Variants in UBE3C observed in about 807,000 individuals in gnomAD.
UBE3C encodes ubiquitin protein ligase E3C.
Under a neutral mutation model 129.4 loss-of-function variants are expected in UBE3C, and 42 were observed. The observed-to-expected ratio is 0.32, with a 90% CI of 0.25 to 0.42. The LOEUF is 0.42. Among genes scored for constraint, UBE3C ranks in the 10% least tolerant of loss-of-function variants. UBE3C has a pLI of 1.00. For synonymous variants in UBE3C, 510 were observed against 492.4 expected (o/e 1.04, Z -0.47); for missense variants, 1,049 against 1,319.1 (o/e 0.80, Z 3.17).
At chr7:157,191,854 T>C (rs371458347) in intron 10 of UBE3C, among the ~76,000 whole-genome samples, 2 of 152,190 alleles carry the variant, frequency 1.3e-5, no homozygotes, top group South Asian at 2.1e-4. Context: ...GGAAAAAATA[T>C]TGAGGATGTG....
At chr7:157,217,137 A>T in intron 14 of UBE3C, 166 bp downstream of exon 14, 1 of 537,242 alleles carries the variant, frequency 1.9e-6, no homozygotes, top group Non-Finnish European at 3.3e-6. Context: ...TTCTTAATGG[A>T]ACATATAGCA....
Position 157,235,837 on chromosome 7 carries a change from C to A in UBE3C, c.2481+4510C>A, listed in dbSNP as rs759461286. Among the ~76,000 whole-genome samples, 35 of 152,210 alleles carry A rather than the reference C, an allele frequency of 2.3e-4. 1 individual carries two copies. Among genetic ancestry groups the A allele is most frequent in the Non-Finnish European group, 3.5e-4 (24 of 68,044 alleles). ...CTTCCAAAACATATCTGATGACCAT[C>A]TGATTACAGAGTTAAACTTTGTGCT... is the stretch of plus-strand genomic sequence containing the variant. On this transcript the variant is annotated intron_variant, in intron 18 of 22. Transcript: ENST00000348165.
intron 1 of UBE3C, among the ~76,000 whole-genome samples, chr7:157,161,196 T>C (rs1808059218): frequency 1.3e-5 from 2 of 152,226 alleles, no homozygotes; most frequent in South Asian, 4.1e-4. Flanking sequence ...TAATTTCCTG[T>C]GGATAATTGT....
intron 18 of UBE3C, among the ~76,000 whole-genome samples, chr7:157,243,379 T>C (rs1254778931): frequency 2.0e-5 from 3 of 152,218 alleles, no homozygotes; most frequent in African/African-American, 7.2e-5. Flanking sequence ...AGCACCCGTG[T>C]CCTGGTGTGG....
chr7:157,215,466 T>C (rs1795531808), intron 13 of UBE3C, among the ~76,000 whole-genome samples: 1 of 148,310 alleles, frequency 6.7e-6, no homozygotes, highest in African/African-American at 2.4e-5. Flanking sequence ...AGATATATTA[T>C]AAATTTATAT....
At chr7:157,194,974 G>A (rs1809076204) in intron 10 of UBE3C, among the ~76,000 whole-genome samples, 1 of 152,158 alleles carries the variant, frequency 6.6e-6, no homozygotes, top group African/African-American at 2.4e-5. Flanking sequence ...GACTTGATTT[G>A]GGAAATTCGT....
intron 19 of UBE3C, among the ~76,000 whole-genome samples, chr7:157,250,396 A>G (rs762633130): frequency 2.6e-5 from 4 of 152,092 alleles, no homozygotes; most frequent in Non-Finnish European, 5.9e-5. Context: ...TGTGTTACCC[A>G]GGTTGATCTC....
rs140273785 is a variant in UBE3C, at chr7:157,174,925, C to G, written c.349C>G (p.Leu117Val). The change falls in exon 5 of 23, where the codon CTG (leucine) becomes GTG (valine). Residue 117 changes from leucine (L) to valine (V), a missense_variant. By Grantham distance (32) the Leu-to-Val change is conservative. Transcript: ENST00000348165. The stretch of plus-strand genomic sequence containing the variant: ...TTATGTTTTGCTGTTTCAGATATGG[C>G]TGTATCAGAACTTAATTAAACACAG... ...QNEDSKRLIW[L>V]YQNLIKHSSL... 2.6e-5 allele frequency: 42 copies of G among 1,605,808 alleles called. No homozygotes were observed. In the African/African-American group the frequency reaches 4.5e-4, roughly 17 times the overall value.
chr7:157,233,560 G>A (rs1221477245), intron 18 of UBE3C, among the ~76,000 whole-genome samples: 1 of 152,132 alleles, frequency 6.6e-6, no homozygotes, highest in Non-Finnish European at 1.5e-5. Flanking sequence ...AATTACAGGT[G>A]TGAGCCACCA....
In UBE3C at chr7:157,248,396, T is replaced by C; in HGVS notation, c.2510T>C (p.Leu837Pro). Residue 837 changes from leucine (L) to proline (P), a missense_variant, in exon 19 of 23, where the codon CTG becomes CCG. By Grantham distance (98) the Leu-to-Pro change is moderately conservative. Transcript: ENST00000348165. Reference sequence around the variant, plus strand: ...CTCTATGAGAACATGCTGGTGGAGCTGCCCTTTGCAGGCTTCTTTCTTTCC... The same window carrying C: ...CTCTATGAGAACATGCTGGTGGAGCCGCCCTTTGCAGGCTTCTTTCTTTCC... Reference protein sequence around the residue: ...KALYENMLVELPFAGFFLSKL... With the variant: ...KALYENMLVEPPFAGFFLSKL... 2 of 1,613,610 alleles carry C rather than the reference T, an allele frequency of 1.2e-6. No homozygotes were observed. Among genetic ancestry groups the C allele is most frequent in the Non-Finnish European group, 1.7e-6 (2 of 1,180,034 alleles).
At chr7:157,146,606 A>C (rs571849146) in intron 1 of UBE3C, among the ~76,000 whole-genome samples, 11 of 152,136 alleles carry the variant, frequency 7.2e-5, no homozygotes, top group African/African-American at 2.6e-4. Context: ...TACCATCTTG[A>C]TTACTGTAAC....
At chr7:157,170,023 T>C (rs1180728909) in intron 3 of UBE3C, among the ~76,000 whole-genome samples, 1 of 152,060 alleles carries the variant, frequency 6.6e-6, no homozygotes, top group Non-Finnish European at 1.5e-5. Flanking sequence ...TTTCGCCATG[T>C]TGGGCAGGCT....
rs765467211 is a variant in UBE3C, at chr7:157,139,225, C to T, written c.-48C>T. 3 of 1,397,218 alleles carry T rather than the reference C, an allele frequency of 2.1e-6. No individual in the cohort carries two copies. The highest frequency in any genetic ancestry group is 2.1e-4 in the Middle Eastern group (1 of 4,840). 86.6% of individuals were successfully genotyped at this position (1,397,218 alleles called of 1,614,324 possible). ...CAGCCCGCCCCGTGCCCCGCCCGCC[C>T]GGCTGCTTCCGCGGCGGCGCTGCCC... On this transcript the variant is annotated 5_prime_UTR_variant, in exon 1 of 23. Coordinates refer to ENST00000348165, the MANE Select transcript of UBE3C (RefSeq NM_014671.3).
intron 14 of UBE3C, among the ~76,000 whole-genome samples, chr7:157,218,206 G>A (rs532982759): frequency 6.6e-6 from 1 of 152,288 alleles, no homozygotes; most frequent in African/African-American, 2.4e-5. Context: ...AGCACTTTGG[G>A]AGGCCAAGGC....
intron 9 of UBE3C, 142 bp downstream of exon 9, chr7:157,184,171 C>T (rs755635215): frequency 8.5e-6 from 9 of 1,053,450 alleles, no homozygotes; most frequent in Non-Finnish European, 1.2e-5. Flanking sequence ...AGCCCCACTA[C>T]CACAGTTTCT....
chr7:157,214,529 C>T (rs1809682959), intron 13 of UBE3C, among the ~76,000 whole-genome samples: 3 of 152,026 alleles, frequency 2.0e-5, no homozygotes, highest in Admixed American at 2.0e-4. Context: ...GAAAGGATGA[C>T]CTTTGTTAAC....
In UBE3C at chr7:157,179,826, CT is replaced by C. The variant is rs531999521; in HGVS notation, c.616+981del. Among the ~76,000 whole-genome samples, 446 of 152,256 alleles carry C rather than the reference CT, an allele frequency of 2.9e-3. 2 individuals are homozygous for C. The highest frequency in any genetic ancestry group is 0.01 in the African/African-American group (423 of 41,548). On this transcript the variant is annotated intron_variant, in intron 6 of 22. Transcript: ENST00000348165. ...AAATTAAACGCATACTCATTTCAGC[CT>C]TGCTGCTTGGCGTGTTACTATTTTT... is the stretch of plus-strand genomic sequence containing the variant.
chr7:157,186,852 G>A lies in UBE3C; in HGVS notation c.1162G>A (p.Val388Ile). 1 of 1,614,186 alleles carries A rather than the reference G, an allele frequency of 6.2e-7. No homozygotes were observed. The highest frequency in any genetic ancestry group is 1.1e-5 in the South Asian group (1 of 91,084). The change falls in exon 10 of 23, where the codon GTA (valine) becomes ATA (isoleucine). Residue 388 changes from valine (V) to isoleucine (I), a missense_variant. Physicochemically the swap from Val to Ile is conservative, Grantham distance 29. Coordinates refer to ENST00000348165, the MANE Select transcript of UBE3C (RefSeq NM_014671.3). ...GTTCTAGGAGGATGGCAGACTGTCA[G>A]TATCATACATAACAGAGGAATGCCT... is the stretch of plus-strand genomic sequence containing the variant. Reference protein sequence around the residue: ...PSSPEDGRLSVSYITEECLKK... With the variant: ...PSSPEDGRLSISYITEECLKK...
At chr7:157,178,256 T>G (rs1355054624) in intron 5 of UBE3C, among the ~76,000 whole-genome samples, 1 of 152,174 alleles carries the variant, frequency 6.6e-6, no homozygotes, top group African/African-American at 2.4e-5. Context: ...AATATATCAT[T>G]GTTCTATTTG....
Sources: allele counts gnomAD v4.1 joint callset (sites outside exome capture counted in the v4.1 genomes callset), GRCh38; gene constraint gnomAD v4.1.1; transcripts MANE v1.5; gene names NCBI Gene and HGNC (gene_info 2026-07-23, HGNC 2026-07-21).